The following METTL15 variants were observed in gnomAD, a reference collection of about 807,000 sequenced individuals.
The protein encoded by METTL15 is 12S rRNA N(4)-cytidine methyltransferase METTL15.
METTL15 carries 34 observed loss-of-function variants against 38.3 expected under a neutral mutation model. The ratio of observed to expected loss-of-function variants is 0.89; its 90% CI spans 0.68 to 1.18. The LOEUF (loss-of-function observed/expected upper bound fraction) is 1.18. Among genes scored for constraint, METTL15 ranks in the 50% most tolerant of loss-of-function variants. METTL15 has a pLI of 0.00. For synonymous variants in METTL15, 162 were observed against 170.9 expected (o/e 0.95, Z 0.41); for missense variants, 438 against 498.4 (o/e 0.88, Z 1.15).
chr11:28,290,549 A>G (rs1173174292), intron 5 of METTL15, 152 bp downstream of exon 5: 3 of 668,062 alleles, frequency 4.5e-6, no homozygotes, highest in East Asian at 5.5e-5. Flanking sequence ...CATACTCATT[A>G]TACACATCAG....
intron 6 of METTL15, among the ~76,000 whole-genome samples, chr11:28,424,623 CAT>C (rs1252640511): frequency 2.0e-5 from 3 of 152,274 alleles, no homozygotes; most frequent in East Asian, 1.9e-4. Context: ...ATTGTTAAAA[CAT>C]GTGTGATGGT....
chr11:28,477,609 A>G (rs1052357874), intron 6 of METTL15: 1 of 152,166 alleles, frequency 6.6e-6, no homozygotes, highest in Non-Finnish European at 1.5e-5. Flanking sequence ...TACCTCATCC[A>G]ATATAAGGAT....
chr11:28,400,346 C>T (rs1446300354), intron 5 of METTL15, among the ~76,000 whole-genome samples: 1 of 151,880 alleles, frequency 6.6e-6, no homozygotes, highest in Non-Finnish European at 1.5e-5. Flanking sequence ...GAAAGCATGA[C>T]TGCACTCAAA....
At chr11:28,236,936 C>G (rs1298539574) in intron 4 of METTL15, among the ~76,000 whole-genome samples, 1 of 152,168 alleles carries the variant, frequency 6.6e-6, no homozygotes, top group Non-Finnish European at 1.5e-5. Context: ...GGCCCCCACT[C>G]TATTCTAGCT....
intron 3 of METTL15, among the ~76,000 whole-genome samples, chr11:28,172,140 T>G (rs1343099614): frequency 6.6e-6 from 1 of 152,164 alleles, no homozygotes; most frequent in East Asian, 1.9e-4. Flanking sequence ...TCAGACAAAT[T>G]AATATTTCTG....
intron 3 of METTL15, among the ~76,000 whole-genome samples, chr11:28,149,485 T>A (rs1850005187): frequency 3.3e-5 from 5 of 151,962 alleles, no homozygotes; most frequent in Admixed American, 3.3e-4. Context: ...AGACTGGAAA[T>A]CAAGAGACCT....
chr11:28,476,904 A>G (rs1436880213), intron 6 of METTL15, among the ~76,000 whole-genome samples: 1 of 152,222 alleles, frequency 6.6e-6, no homozygotes, highest in Non-Finnish European at 1.5e-5. Flanking sequence ...GAAGGACCAT[A>G]ATAGACATGA....
At chr11:28,382,843 A>G (rs1004747625) in intron 5 of METTL15, among the ~76,000 whole-genome samples, 7 of 151,874 alleles carry the variant, frequency 4.6e-5, no homozygotes, top group African/African-American at 2.4e-5. Context: ...CTCAAAAAAA[A>G]AAAAAGAAAG....
chr11:28,432,291 G>T (rs540401727), intron 6 of METTL15, among the ~76,000 whole-genome samples: 4 of 152,296 alleles, frequency 2.6e-5, no homozygotes, highest in African/African-American at 9.6e-5. Flanking sequence ...TGATATTCTG[G>T]TAGTTCAATC....
chr11:28,143,765 A>C (rs1238378280), intron 3 of METTL15, among the ~76,000 whole-genome samples: 1 of 152,188 alleles, frequency 6.6e-6, no homozygotes, highest in East Asian at 1.9e-4. Flanking sequence ...TAAAACCATG[A>C]GTCTAGATGA....
intron 3 of METTL15, among the ~76,000 whole-genome samples, chr11:28,126,926 G>C (rs1055498565): frequency 6.6e-6 from 1 of 152,092 alleles, no homozygotes; most frequent in Non-Finnish European, 1.5e-5. Flanking sequence ...TAATCATAAG[G>C]ACAAAGAATC....
chr11:28,202,105 C>A (rs2133821509), intron 3 of METTL15, among the ~76,000 whole-genome samples: 3 of 151,888 alleles, frequency 2.0e-5, no homozygotes, highest in African/African-American at 7.2e-5. Flanking sequence ...GATAGTATAG[C>A]CTGTTAACAG....
At chr11:28,393,914 T>C (rs2133396464) in intron 5 of METTL15, among the ~76,000 whole-genome samples, 1 of 152,212 alleles carries the variant, frequency 6.6e-6, no homozygotes, top group South Asian at 2.1e-4. Flanking sequence ...TTAAATTATC[T>C]CCCAAATTGA....
intron 5 of METTL15, among the ~76,000 whole-genome samples, chr11:28,403,974 A>T (rs1298962354): frequency 2.0e-5 from 3 of 152,020 alleles, no homozygotes; most frequent in Admixed American, 1.3e-4. Context: ...GATGATGGGT[A>T]AATTACTGTA....
At chr11:28,266,216 C>A (rs1855411361) in intron 4 of METTL15, among the ~76,000 whole-genome samples, 1 of 152,120 alleles carries the variant, frequency 6.6e-6, no homozygotes, top group Non-Finnish European at 1.5e-5. Context: ...TGGATATATA[C>A]CCAAAGGATT....
At chr11:28,178,016 G>C (rs1358932519) in intron 3 of METTL15, among the ~76,000 whole-genome samples, 2 of 151,908 alleles carry the variant, frequency 1.3e-5, no homozygotes, top group Non-Finnish European at 2.9e-5. Flanking sequence ...TTGATCTCAG[G>C]AAAAGAAAGA....
chr11:28,411,442 G>T (rs1850723423), intron 5 of METTL15, among the ~76,000 whole-genome samples: 1 of 151,936 alleles, frequency 6.6e-6, no homozygotes, highest in Non-Finnish European at 1.5e-5. Flanking sequence ...AAACATATGT[G>T]GACAACTAAT....
At chr11:28,513,344 A>G (rs989262048) in intron 6 of METTL15, among the ~76,000 whole-genome samples, 1 of 152,160 alleles carries the variant, frequency 6.6e-6, no homozygotes, top group Admixed American at 6.5e-5. Flanking sequence ...TTGCTGTACC[A>G]CTTACCGGCT....
chr11:28,217,618 T>C (rs1194587476), intron 4 of METTL15, among the ~76,000 whole-genome samples: 2 of 152,040 alleles, frequency 1.3e-5, no homozygotes, highest in South Asian at 2.1e-4. Flanking sequence ...GTGTTTTAGA[T>C]ATGAAATCCT....
Sources: gnomAD v4.1 joint callset for allele counts (sites outside exome capture counted in the v4.1 genomes callset) on GRCh38, gnomAD v4.1.1 for gene constraint, MANE v1.5 for transcripts, NCBI Gene and HGNC (gene_info 2026-07-23, HGNC 2026-07-21) for gene names.